The following PCDH15 variants were observed in gnomAD, a reference collection of about 807,000 sequenced individuals.
PCDH15 encodes the protein protocadherin-15.
Under a neutral mutation model 178.5 loss-of-function variants are expected in PCDH15, and 129 were observed. The ratio of observed to expected loss-of-function variants is 0.72; its 90% confidence interval spans 0.63 to 0.84. PCDH15 has a LOEUF of 0.84. PCDH15 is among the 40% of genes least tolerant of loss of function. The pLI, the probability that PCDH15 is intolerant of heterozygous loss-of-function variation, is 0.00. For synonymous variants in PCDH15, 800 were observed against 732.0 expected (o/e 1.09, Z -1.50); for missense variants, 2,230 against 2,099.9 (o/e 1.06, Z -1.21).
intron 2 of PCDH15, among the ~76,000 whole-genome samples, chr10:55,538,407 T>C (rs1456456448): frequency 1.4e-5 from 2 of 144,128 alleles, no homozygotes; most frequent in Non-Finnish European, 3.0e-5. Context: ...TCTTCCTTCC[T>C]TCCTTCCTCC....
At chr10:54,018,548 T>G (rs1489537176) in intron 20 of PCDH15, among the ~76,000 whole-genome samples, 2 of 152,098 alleles carry the variant, frequency 1.3e-5, no homozygotes, top group Non-Finnish European at 2.9e-5. Context: ...CTGGCAAAGA[T>G]TAAGTGAACA....
chr10:54,231,287 T>C (rs1195730295), intron 9 of PCDH15, among the ~76,000 whole-genome samples: 1 of 152,214 alleles, frequency 6.6e-6, no homozygotes, highest in Admixed American at 6.5e-5. Flanking sequence ...AGGCCTCTGC[T>C]TCAGAGCATG....
At chr10:54,474,092 C>A (rs1456256638) in intron 3 of PCDH15, among the ~76,000 whole-genome samples, 3 of 151,948 alleles carry the variant, frequency 2.0e-5, no homozygotes, top group South Asian at 2.1e-4. Context: ...ACTTTCATTT[C>A]TATATTCGAA....
chr10:54,454,433 AAT>A (rs2076684586), intron 3 of PCDH15, among the ~76,000 whole-genome samples: 1 of 149,060 alleles, frequency 6.7e-6, no homozygotes, highest in Admixed American at 6.7e-5. Context: ...AAACATTATT[AAT>A]ATTTATTGTT....
At chr10:54,364,699 G>A (rs1230939094) in intron 5 of PCDH15, among the ~76,000 whole-genome samples, 2 of 151,664 alleles carry the variant, frequency 1.3e-5, no homozygotes, top group East Asian at 3.9e-4. Context: ...CATAAATTTT[G>A]TGGCTTAAAT....
intron 2 of PCDH15, among the ~76,000 whole-genome samples, chr10:55,600,466 C>G (rs144441146): frequency 1.3e-5 from 2 of 152,156 alleles, no homozygotes; most frequent in East Asian, 3.9e-4. Context: ...TACACATTGA[C>G]CCAATAATTC....
intron 3 of PCDH15, among the ~76,000 whole-genome samples, chr10:54,851,162 G>A (rs1481396700): frequency 1.3e-5 from 2 of 152,008 alleles, no homozygotes; most frequent in African/African-American, 2.4e-5. Flanking sequence ...AGGCCAGATG[G>A]ATACCCCATT....
intron 3 of PCDH15, among the ~76,000 whole-genome samples, chr10:54,828,222 G>C (rs921290902): frequency 6.6e-6 from 1 of 151,954 alleles, no homozygotes; most frequent in Non-Finnish European, 1.5e-5. Context: ...CATTCATAGA[G>C]TGCAGGAGAG....
intron 2 of PCDH15, among the ~76,000 whole-genome samples, chr10:55,545,112 C>A (rs1278776188): frequency 3.3e-5 from 5 of 152,026 alleles, no homozygotes; most frequent in African/African-American, 4.8e-5. Flanking sequence ...CAAAAGGGGT[C>A]CAAGGAATCA....
intron 2 of PCDH15, among the ~76,000 whole-genome samples, chr10:55,589,448 C>A (rs8181445): frequency 0.31 from 47,428 of 151,564 alleles, 7,596 homozygotes; most frequent in African/African-American, 0.39. Flanking sequence ...GCAACAAAAG[C>A]CAAAATTGAC....
intron 3 of PCDH15, among the ~76,000 whole-genome samples, chr10:54,873,692 A>ATTTT (rs200983157): frequency 7.6e-5 from 9 of 117,810 alleles, no homozygotes; most frequent in African/African-American, 2.4e-4. Flanking sequence ...AAACTGCTGT[A>ATTTT]TTTTATATAT....
chr10:55,314,197 G>GTATACA (rs1025773854), intron 1 of PCDH15, among the ~76,000 whole-genome samples: 2 of 119,774 alleles, frequency 1.7e-5, no homozygotes, highest in African/African-American at 8.0e-5. Context: ...ATATGTTTGT[G>GTATACA]TGTATATATA....
chr10:54,423,589 G>A (rs1221159114), intron 3 of PCDH15, among the ~76,000 whole-genome samples: 9 of 151,688 alleles, frequency 5.9e-5, no homozygotes, highest in Non-Finnish European at 7.4e-5. Context: ...ACCCTAATCC[G>A]AAGCCAAAAA....
intron 3 of PCDH15, among the ~76,000 whole-genome samples, chr10:54,819,035 C>A (rs1952993845): frequency 6.6e-6 from 1 of 151,954 alleles, no homozygotes; most frequent in Non-Finnish European, 1.5e-5. Flanking sequence ...AGAAATTCTC[C>A]TGTCTTAGCT....
chr10:54,185,368 C>T lies in PCDH15; in HGVS notation c.1306-100G>A, dbSNP rs2048395950. The T allele has an allele frequency of 9.1e-6, 12 of 1,321,238 alleles. 1 individual carries two copies. The highest frequency in any genetic ancestry group is 8.5e-5 in the South Asian group (7 of 82,032). 81.8% of individuals were successfully genotyped at this position (1,321,238 alleles called of 1,614,324 possible). A position where few individuals can be genotyped will look rare whatever the true frequency, so the allele number is the denominator to read the frequency against. On this transcript the variant is annotated intron_variant, in intron 11 of 37. Coordinates refer to ENST00000644397, the MANE Select transcript of PCDH15 (RefSeq NM_001384140.1). ...GTTTGAAATTTATAGCAAAAATCCACGTGAAAGTATTAAGAATTTCTAACG... is the reference window on the plus strand; with the variant it reads ...GTTTGAAATTTATAGCAAAAATCCATGTGAAAGTATTAAGAATTTCTAACG...
chr10:54,049,454 A>G lies in PCDH15; in HGVS notation c.2220+17303T>C, dbSNP rs555293683. Among the ~76,000 whole-genome samples, 6 of 152,266 alleles carry G rather than the reference A, an allele frequency of 3.9e-5. No homozygotes were observed. In the South Asian group the frequency reaches 1.0e-3, roughly 26 times the overall value. ...CATCCTTCTCTTGTTCCAGTTCTCA[A>G]GGTGAATGCTTTCAGCATTTTCATG... On this transcript the variant is annotated intron_variant, in intron 18 of 37. Transcript: ENST00000644397.
chr10:55,465,554 C>T (rs945407592), intron 2 of PCDH15, among the ~76,000 whole-genome samples: 2 of 151,964 alleles, frequency 1.3e-5, no homozygotes, highest in Admixed American at 6.6e-5. Context: ...CTGATGTGCA[C>T]CCAGAGATAA....
chr10:55,117,827 G>C (rs972007109), intron 2 of PCDH15, among the ~76,000 whole-genome samples: 1 of 152,078 alleles, frequency 6.6e-6, no homozygotes, highest in Non-Finnish European at 1.5e-5. Context: ...GTCAATTTTG[G>C]TTTTTATTTT....
chr10:54,921,788 C>T (rs888803644), intron 2 of PCDH15, among the ~76,000 whole-genome samples: 2 of 152,060 alleles, frequency 1.3e-5, no homozygotes, highest in African/African-American at 4.8e-5. Context: ...TGGGTAATTT[C>T]TAAAGAAAAT....
Sources: gnomAD v4.1 joint callset for allele counts (sites outside exome capture counted in the v4.1 genomes callset) on GRCh38, gnomAD v4.1.1 for gene constraint, MANE v1.5 for transcripts, NCBI Gene and HGNC (gene_info 2026-07-23, HGNC 2026-07-21) for gene names.